KBTBD3: variants seen among roughly 807,000 people sequenced by gnomAD.
KBTBD3 encodes kelch repeat and BTB domain containing 3, also known as kelch repeat and BTB domain-containing protein 3.
In KBTBD3, 38 loss-of-function variants were observed where a neutral mutation model predicts 49.6. That is an observed-to-expected ratio of 0.77 (90% CI 0.59 to 1.00). The LOEUF (loss-of-function observed/expected upper bound fraction) is 1.00, where lower values mean the gene tolerates loss of function less well. Among genes scored for constraint, KBTBD3 ranks in the 50% least tolerant of loss-of-function variants. The pLI is 0.00. For synonymous variants in KBTBD3, 214 were observed against 250.4 expected (o/e 0.85, Z 1.37); for missense variants, 661 against 712.0 (o/e 0.93, Z 0.81).
intron 2 of KBTBD3, among the ~76,000 whole-genome samples, chr11:106,069,276 A>G (rs1192651909): frequency 1.3e-5 from 2 of 152,126 alleles, no homozygotes; most frequent in Non-Finnish European, 2.9e-5. Flanking sequence ...TAAAAGGCAT[A>G]TACATCGGAA....
chr11:106,062,033 G>C (rs1860709836), intron 2 of KBTBD3, among the ~76,000 whole-genome samples: 1 of 151,768 alleles, frequency 6.6e-6, no homozygotes, highest in Non-Finnish European at 1.5e-5. Context: ...TAGCGTGCCT[G>C]TGTGAATGTG....
intron 2 of KBTBD3, among the ~76,000 whole-genome samples, chr11:106,065,703 G>A (rs1860796064): frequency 1.3e-5 from 2 of 152,116 alleles, no homozygotes; most frequent in South Asian, 4.1e-4. Context: ...GCTCATGCCT[G>A]TAATCCCAGC....
chr11:106,058,598 AT>A (rs1449087937), intron 3 of KBTBD3: 16 of 370,008 alleles, frequency 4.3e-5, no homozygotes, highest in Non-Finnish European at 7.2e-5. Flanking sequence ...TAATTTTTGT[AT>A]TTTTAGTAGA....
At chr11:106,063,799 C>T (rs763490735) in intron 2 of KBTBD3, among the ~76,000 whole-genome samples, 28 of 152,130 alleles carry the variant, frequency 1.8e-4, no homozygotes, top group African/African-American at 5.5e-4. Flanking sequence ...GGTGTGGTGG[C>T]GCATGCCTGT....
intron 3 of KBTBD3, among the ~76,000 whole-genome samples, chr11:106,058,394 AT>A (rs1480179882): frequency 6.7e-6 from 1 of 150,158 alleles, no homozygotes; most frequent in Non-Finnish European, 1.5e-5. Flanking sequence ...AAAAAAAAAA[AT>A]CATTAGTTAA....
chr11:106,064,722 G>A (rs1388693640), intron 2 of KBTBD3, among the ~76,000 whole-genome samples: 3 of 152,124 alleles, frequency 2.0e-5, no homozygotes, highest in Non-Finnish European at 2.9e-5. Flanking sequence ...TAGCCAAGAT[G>A]TTACTCCTGG....
At chr11:106,072,499 A>C (rs1247626074) in intron 2 of KBTBD3, among the ~76,000 whole-genome samples, 5 of 152,194 alleles carry the variant, frequency 3.3e-5, no homozygotes, top group African/African-American at 1.2e-4. Flanking sequence ...GCTTCAATGA[A>C]ACACCTTCCT....
chr11:106,061,580 C>T (rs1237039401), intron 2 of KBTBD3, among the ~76,000 whole-genome samples: 1 of 152,048 alleles, frequency 6.6e-6, no homozygotes, highest in South Asian at 2.1e-4. Context: ...TGTGCCTCAG[C>T]CTGTCTGTTG....
At chr11:106,065,364 A>G (rs980308996) in intron 2 of KBTBD3, among the ~76,000 whole-genome samples, 2 of 152,182 alleles carry the variant, frequency 1.3e-5, no homozygotes, top group Non-Finnish European at 2.9e-5. Context: ...CACTTGCTAC[A>G]TACCCAGTGC....
chr11:106,074,508 G>A (rs1453982158), intron 2 of KBTBD3, among the ~76,000 whole-genome samples: 3 of 152,128 alleles, frequency 2.0e-5, no homozygotes, highest in Middle Eastern at 3.4e-3. Flanking sequence ...TGAAACACTC[G>A]TCTTTTAGTT....
At chr11:106,066,920 G>A (rs1860820749) in intron 2 of KBTBD3, among the ~76,000 whole-genome samples, 1 of 152,044 alleles carries the variant, frequency 6.6e-6, no homozygotes, top group Admixed American at 6.6e-5. Context: ...TGAAGATGAT[G>A]AAAAGTGGAA....
chr11:106,059,017 GT>G lies in KBTBD3; in HGVS notation c.80del (p.Asn27ThrfsTer13). 1 of 1,559,322 alleles carries G rather than the reference GT, an allele frequency of 6.4e-7. No individual in the cohort carries two copies. Among genetic ancestry groups the G allele is most frequent in the East Asian group, 2.3e-5 (1 of 42,838 alleles). The part of the protein sequence containing the change: ...CNGIPSEKKN[N>X]FLVSEDHGQK... ...GTCCATGATCTTCTGATACAAGGAA[GT>G]TGTTTTTCTTCTCAGATGGAATTCC... On this transcript the variant is annotated frameshift_variant, in exon 3 of 4. Coordinates refer to ENST00000531837, the MANE Select transcript of KBTBD3 (RefSeq NM_198439.3). LOFTEE classifies it high-confidence loss of function.
At chr11:106,065,740 C>T (rs1860797030) in intron 2 of KBTBD3, among the ~76,000 whole-genome samples, 1 of 152,056 alleles carries the variant, frequency 6.6e-6, no homozygotes, top group African/African-American at 2.4e-5. Flanking sequence ...GCAGGTGGAT[C>T]ACCAGAGATC....
chr11:106,068,547 C>G (rs1860855949), intron 2 of KBTBD3, among the ~76,000 whole-genome samples: 2 of 151,926 alleles, frequency 1.3e-5, no homozygotes, highest in African/African-American at 4.8e-5. Flanking sequence ...TACAACTCAC[C>G]CAATATGAAA....
rs1374996220 is a variant in KBTBD3, at chr11:106,051,715, G to A, written c.*1135C>T. The stretch of plus-strand genomic sequence containing the variant: ...AATGACAACAGTACCCTTACATTGT[G>A]TGGGTTAAAGATCAAACATCTTAAC... On this transcript the variant is annotated 3_prime_UTR_variant, in exon 4 of 4. Coordinates refer to ENST00000531837, the MANE Select transcript of KBTBD3 (RefSeq NM_198439.3). 6.6e-6 allele frequency: 1 copy of A among 151,866 alleles called. No homozygotes were observed. Among genetic ancestry groups the A allele is most frequent in the Non-Finnish European group, 1.5e-5 (1 of 67,846 alleles). The allele number at this position is 151,866 out of a possible 1,614,324, so 9.4% of individuals were successfully genotyped here.
At chr11:106,072,631 C>G (rs1217866615) in intron 2 of KBTBD3, among the ~76,000 whole-genome samples, 1 of 151,948 alleles carries the variant, frequency 6.6e-6, no homozygotes, top group Non-Finnish European at 1.5e-5. Flanking sequence ...AAGAACCAAG[C>G]CTTTGATAAA....
chr11:106,052,667 A>G lies in KBTBD3; in HGVS notation c.*183T>C. The G allele has an allele frequency of 1.9e-6, 1 of 525,726 alleles. No individual in the cohort carries two copies. The highest frequency in any genetic ancestry group is 3.3e-6 in the Non-Finnish European group (1 of 302,492). The allele number at this position is 525,726 out of a possible 1,614,324, so 32.6% of individuals were successfully genotyped here. ...CCAAGGTTAAATTATATTCAGTATAATTTTTGGTAAAATATATTTTGTATT... is the reference window on the plus strand; with the variant it reads ...CCAAGGTTAAATTATATTCAGTATAGTTTTTGGTAAAATATATTTTGTATT... On this transcript the variant is annotated 3_prime_UTR_variant, in exon 4 of 4. Coordinates refer to ENST00000531837, the MANE Select transcript of KBTBD3 (RefSeq NM_198439.3).
intron 3 of KBTBD3, among the ~76,000 whole-genome samples, chr11:106,058,373 T>C (rs1262295174): frequency 7.4e-6 from 1 of 135,702 alleles, no homozygotes. Flanking sequence ...AGAGCGAGAC[T>C]CCCTCTAAAA....
rs548464567 is a variant in KBTBD3, at chr11:106,054,056, T to C, written c.633A>G (p.Glu211=). The change falls in exon 4 of 4, where the codon GAA becomes GAG. Residue 211 remains glutamate, a synonymous_variant. Coordinates refer to ENST00000531837, the MANE Select transcript of KBTBD3 (RefSeq NM_198439.3). The part of the protein sequence containing the change: ...CLESDELNVP[E]EEMVLKVVLS... Reference sequence around the variant, plus strand: ...GGACAACTTTCAGTACCATTTCTTCTTCAGGAACATTTAATTCATCTGATT... The same window carrying C: ...GGACAACTTTCAGTACCATTTCTTCCTCAGGAACATTTAATTCATCTGATT... 1.7e-4 allele frequency: 277 copies of C among 1,613,592 alleles called. 4 individuals are homozygous for C. In the South Asian group the frequency reaches 2.9e-3, roughly 17 times the overall value.
Sources: allele counts gnomAD v4.1 joint callset (sites outside exome capture counted in the v4.1 genomes callset), GRCh38; gene constraint gnomAD v4.1.1; transcripts MANE v1.5; gene names NCBI Gene and HGNC (gene_info 2026-07-23, HGNC 2026-07-21).